Variants in CDKL2 observed in about 807,000 individuals in gnomAD.
CDKL2 encodes cyclin dependent kinase like 2, also known as cyclin-dependent kinase-like 2.
CDKL2 carries 64 observed loss-of-function variants against 63.9 expected under a neutral mutation model. The ratio of observed to expected loss-of-function variants is 1.00; its 90% CI spans 0.82 to 1.23. The LOEUF (loss-of-function observed/expected upper bound fraction) is 1.23. Ranked by LOEUF, CDKL2 falls within the 50% of genes most tolerant of loss-of-function variation. The pLI is 0.00. For synonymous variants in CDKL2, 211 were observed against 229.2 expected, an observed-to-expected ratio of 0.92 and a Z score of 0.72; for missense variants, 656 against 668.0, an observed-to-expected ratio of 0.98 and a Z score of 0.20.
chr4:75,583,739 T>C (rs753663123), intron 12 of CDKL2, among the ~76,000 whole-genome samples: 6 of 152,158 alleles, frequency 3.9e-5, no homozygotes, highest in Non-Finnish European at 8.8e-5. Flanking sequence ...GGATGGGCAA[T>C]TCGTACTTTT....
intron 12 of CDKL2, among the ~76,000 whole-genome samples, chr4:75,582,560 T>C (rs187626563): frequency 2.0e-5 from 3 of 152,162 alleles, no homozygotes; most frequent in African/African-American, 7.2e-5. Flanking sequence ...CTAAATGGTC[T>C]ACCATACATA....
chr4:75,629,240 T>C (rs1215381776), intron 1 of CDKL2, among the ~76,000 whole-genome samples: 3 of 152,344 alleles, frequency 2.0e-5, no homozygotes, highest in Admixed American at 6.5e-5. Flanking sequence ...CATTTTGTAA[T>C]TGATGTCCTC....
intron 4 of CDKL2, among the ~76,000 whole-genome samples, chr4:75,606,397 T>A (rs1729428577): frequency 6.6e-6 from 1 of 152,092 alleles, no homozygotes; most frequent in Non-Finnish European, 1.5e-5. Context: ...GTATTTTTAG[T>A]AGAGATGGGG....
intron 6 of CDKL2, 23 bp downstream of exon 6, chr4:75,603,794 G>A: frequency 2.2e-6 from 3 of 1,346,902 alleles, no homozygotes; most frequent in Admixed American, 2.3e-5. Context: ...CTGTCATAAA[G>A]TGTAAACAAT....
intron 1 of CDKL2, 96 bp from the exon 2 acceptor site, chr4:75,626,113 A>C: frequency 1.3e-6 from 1 of 765,160 alleles, no homozygotes; most frequent in Non-Finnish European, 2.2e-6. Context: ...TTTCCATATT[A>C]GTCACTGTGT....
chr4:75,584,802 T>G (rs1176427723), intron 12 of CDKL2, among the ~76,000 whole-genome samples: 1 of 152,222 alleles, frequency 6.6e-6, no homozygotes, highest in Non-Finnish European at 1.5e-5. Context: ...TTCATCAGGC[T>G]ATTCAAAATG....
chr4:75,620,750 T>C (rs1330515214), intron 2 of CDKL2, among the ~76,000 whole-genome samples: 1 of 152,096 alleles, frequency 6.6e-6, no homozygotes, highest in Non-Finnish European at 1.5e-5. Flanking sequence ...AGGCCTAAGG[T>C]AGCAGTGATT....
chr4:75,619,577 TAAAAAAAAAA>T (rs71203836), intron 2 of CDKL2, among the ~76,000 whole-genome samples: 2 of 78,158 alleles, frequency 2.6e-5, no homozygotes, highest in Non-Finnish European at 2.4e-5. Context: ...CACAGCTGTA[TAAAAAAAAAA>T]AAAAAAAAAA....
chr4:75,606,615 G>C (rs1012791085), intron 4 of CDKL2, among the ~76,000 whole-genome samples: 2 of 152,174 alleles, frequency 1.3e-5, no homozygotes, highest in Non-Finnish European at 2.9e-5. Flanking sequence ...AATGCTTAAG[G>C]TTATTGCTGA....
rs904065271 is a variant in CDKL2 at position 75,577,158 on chromosome 4, A to G, written c.*2044T>C. ...ATTTTAAAACATACATACATGCAGCAAGCCCACTGCTCCCCACCAGTACAT... is the reference window on the plus strand; with the variant it reads ...ATTTTAAAACATACATACATGCAGCGAGCCCACTGCTCCCCACCAGTACAT... On this transcript the variant is annotated 3_prime_UTR_variant, in exon 14 of 14. Transcript: ENST00000307465. Among the ~76,000 whole-genome samples the G allele has an allele frequency of 2.0e-5, 3 of 152,142 alleles. No homozygotes were observed. Among genetic ancestry groups the G allele is most frequent in the African/African-American group, 7.2e-5 (3 of 41,440 alleles).
intron 2 of CDKL2, among the ~76,000 whole-genome samples, chr4:75,616,931 A>T (rs1371735358): frequency 6.6e-6 from 1 of 152,142 alleles, no homozygotes; most frequent in Non-Finnish European, 1.5e-5. Context: ...ATAGAGGGGA[A>T]CAACACACAC....
intron 3 of CDKL2, among the ~76,000 whole-genome samples, chr4:75,613,130 A>AAAAAAAG (rs1729779140): frequency 6.6e-6 from 1 of 151,964 alleles, no homozygotes; most frequent in African/African-American, 2.4e-5. Flanking sequence ...GTTTCAAAAA[A>AAAAAAAG]AAATAGATTT....
chr4:75,598,114 T>C lies in CDKL2; in HGVS notation c.983A>G (p.Asp328Gly). The change falls in exon 8 of 14, where the codon GAT becomes GGT. Residue 328 changes from aspartate (D) to glycine (G), a missense_variant. Asp to Gly is a moderately conservative substitution (Grantham distance 94). Coordinates refer to ENST00000307465, the MANE Select transcript of CDKL2 (RefSeq NM_001330724.2). ...TGTTTTTCTTTCTTCAACTAAGGAA[T>C]CATCTTTTTCTTTTTCCTTCTTTCT... ...QNRKKEKEKD[D>G]SLVEERKTLV... 1.3e-6 allele frequency: 2 copies of C among 1,555,226 alleles called. No homozygotes were observed. Among genetic ancestry groups the C allele is most frequent in the Non-Finnish European group, 1.8e-6 (2 of 1,141,766 alleles).
intron 12 of CDKL2, among the ~76,000 whole-genome samples, chr4:75,587,032 G>T (rs1297024959): frequency 6.6e-6 from 1 of 152,086 alleles, no homozygotes; most frequent in Non-Finnish European, 1.5e-5. Flanking sequence ...AATGCCAAAG[G>T]CTTGATTTTG....
At chr4:75,596,096 A>G in intron 10 of CDKL2, 151 bp downstream of exon 10, 1 of 457,984 alleles carries the variant, frequency 2.2e-6, no homozygotes, top group Non-Finnish European at 3.8e-6. Flanking sequence ...GTTTATGACT[A>G]TGATGGGTTG....
intron 2 of CDKL2, among the ~76,000 whole-genome samples, chr4:75,618,236 A>ATTTT (rs1409458579): frequency 1.4e-5 from 1 of 72,108 alleles, no homozygotes; most frequent in African/African-American, 5.4e-5. Context: ...CCAATTGAAA[A>ATTTT]TTCTTTTTTT....
At chr4:75,583,951 A>G (rs1368336492) in intron 12 of CDKL2, among the ~76,000 whole-genome samples, 1 of 152,216 alleles carries the variant, frequency 6.6e-6, no homozygotes. Flanking sequence ...AAAAATATCA[A>G]TTATCACATT....
intron 12 of CDKL2, among the ~76,000 whole-genome samples, chr4:75,587,082 T>C (rs1463476354): frequency 2.6e-5 from 4 of 152,142 alleles, no homozygotes; most frequent in African/African-American, 9.7e-5. Context: ...CTAACTATAC[T>C]GATCAAGAAA....
intron 9 of CDKL2, 41 bp downstream of exon 9, chr4:75,596,894 G>A (rs771645067): frequency 6.6e-7 from 1 of 1,523,686 alleles, no homozygotes; most frequent in South Asian, 1.2e-5. Context: ...TTGCAAATAT[G>A]TCCTTAAACA....
Sources: allele counts gnomAD v4.1 joint callset (sites outside exome capture counted in the v4.1 genomes callset), GRCh38; gene constraint gnomAD v4.1.1; transcripts MANE v1.5; gene names NCBI Gene and HGNC (gene_info 2026-07-23, HGNC 2026-07-21).